The following PTPRD variants were observed in gnomAD, a reference collection of about 807,000 sequenced individuals.
PTPRD encodes receptor-type tyrosine-protein phosphatase delta.
PTPRD carries 34 observed loss-of-function variants against 214.5 expected under a neutral mutation model. The ratio of observed to expected loss-of-function variants is 0.16; its 90% CI spans 0.12 to 0.21. The LOEUF is 0.21. Among genes scored for constraint, PTPRD ranks in the 10% least tolerant of loss-of-function variants. The pLI is 1.00. For missense variants in PTPRD, 2,545 were observed against 2,398.7 expected, an observed-to-expected ratio of 1.06 and a Z score of -1.27; for synonymous variants, 1,128 against 845.7, an observed-to-expected ratio of 1.33 and a Z score of -5.79.
rs575071671 is a variant in PTPRD at position 10,018,997 on chromosome 9, A to G, written c.-472+14721T>C. On this transcript the variant is annotated intron_variant, in intron 4 of 45. Coordinates refer to ENST00000381196, the MANE Select transcript of PTPRD (RefSeq NM_002839.4). ...CCATCAGAGTGAACAGGCAACCTAC[A>G]GAATGGGAGAAAATTTTTGCAATCT... Among the ~76,000 whole-genome samples, 8 of 152,308 alleles carry G rather than the reference A, an allele frequency of 5.3e-5. No individual in the cohort carries two copies. The South Asian group carries it at 1.4e-3, about 28-fold the overall frequency.
At chr9:8,984,817 A>G (rs1468597968) in intron 11 of PTPRD, among the ~76,000 whole-genome samples, 2 of 152,088 alleles carry the variant, frequency 1.3e-5, no homozygotes, top group Non-Finnish European at 2.9e-5. Flanking sequence ...TATTTTACAA[A>G]GCTTGGATGT....
chr9:10,180,936 T>TA (rs2099278710), intron 3 of PTPRD, among the ~76,000 whole-genome samples: 1 of 151,924 alleles, frequency 6.6e-6, no homozygotes, highest in African/African-American at 2.4e-5. Flanking sequence ...AAAAATACCC[T>TA]AAAAATCCAA....
chr9:9,688,696 C>G (rs949153290), intron 7 of PTPRD, among the ~76,000 whole-genome samples: 2 of 151,862 alleles, frequency 1.3e-5, no homozygotes, highest in Non-Finnish European at 2.9e-5. Flanking sequence ...ACTCTAATCT[C>G]TTAATATTCT....
chr9:8,968,782 T>G (rs1589062420), intron 11 of PTPRD, among the ~76,000 whole-genome samples: 1 of 107,990 alleles, frequency 9.3e-6, no homozygotes, highest in Non-Finnish European at 2.1e-5. Flanking sequence ...ACAGTAAGTT[T>G]GTGTGACATA....
intron 8 of PTPRD, among the ~76,000 whole-genome samples, chr9:9,545,440 A>T (rs986368406): frequency 2.0e-5 from 3 of 151,888 alleles, no homozygotes; most frequent in African/African-American, 7.2e-5. Flanking sequence ...ACATAGTAAT[A>T]TGCATTTAAG....
At chr9:9,177,485 CATT>C (rs1332875405) in intron 10 of PTPRD, among the ~76,000 whole-genome samples, 3 of 152,086 alleles carry the variant, frequency 2.0e-5, no homozygotes, top group South Asian at 4.1e-4. Context: ...ACTTTATACT[CATT>C]AATATATTGC....
intron 4 of PTPRD, among the ~76,000 whole-genome samples, chr9:9,984,600 G>C (rs1297459597): frequency 6.6e-6 from 1 of 152,176 alleles, no homozygotes; most frequent in African/African-American, 2.4e-5. Context: ...TGGAATACAA[G>C]TGATGTCAGG....
intron 8 of PTPRD, among the ~76,000 whole-genome samples, chr9:9,400,090 TA>T (rs149234111): frequency 0.28 from 34,864 of 124,040 alleles, 5,100 homozygotes; most frequent in African/African-American, 0.48. Flanking sequence ...CTTTACCTAC[TA>T]GTTTTTTTTT....
chr9:10,580,920 C>G (rs1389519045), intron 2 of PTPRD, among the ~76,000 whole-genome samples: 1 of 152,118 alleles, frequency 6.6e-6, no homozygotes, highest in Non-Finnish European at 1.5e-5. Flanking sequence ...AAATAGTTCA[C>G]TGATTTCCTC....
chr9:8,853,946 G>C (rs1454150366), intron 11 of PTPRD, among the ~76,000 whole-genome samples: 1 of 151,934 alleles, frequency 6.6e-6, no homozygotes, highest in South Asian at 2.1e-4. Flanking sequence ...GACTAAATTT[G>C]GTTTAAATCA....
rs999793153 is a variant in PTPRD at position 8,560,273 on chromosome 9, C to T, written c.353-31494G>A. ...TATAAAAATGAGATGAATTTTTAAACTCCATGCAAATCTTTAAGAGATAAC... is the reference window on the plus strand; with the variant it reads ...TATAAAAATGAGATGAATTTTTAAATTCCATGCAAATCTTTAAGAGATAAC... On this transcript the variant is annotated intron_variant, in intron 14 of 45. Transcript: ENST00000381196. 7.2e-4 allele frequency among the ~76,000 whole-genome samples: 109 copies of T among 152,066 alleles called. 1 individual carries two copies. Among genetic ancestry groups the T allele is most frequent in the Admixed American group, 4.7e-3 (72 of 15,274 alleles).
intron 7 of PTPRD, among the ~76,000 whole-genome samples, chr9:9,704,500 A>G (rs1366805531): frequency 6.6e-6 from 1 of 152,120 alleles, no homozygotes; most frequent in East Asian, 1.9e-4. Flanking sequence ...TTCTTTGATA[A>G]CTCCCCAATT....
intron 37 of PTPRD, 123 bp from the exon 38 acceptor site, chr9:8,376,849 G>A (rs912582884): frequency 2.2e-6 from 3 of 1,337,718 alleles, no homozygotes; most frequent in Non-Finnish European, 3.1e-6. Flanking sequence ...TCTTTTTCTG[G>A]CATGCATTTT....
At chr9:9,809,528 T>G (rs1243139318) in intron 5 of PTPRD, among the ~76,000 whole-genome samples, 2 of 152,154 alleles carry the variant, frequency 1.3e-5, no homozygotes, top group Admixed American at 1.3e-4. Context: ...CCTCCCAAAG[T>G]GCTGGGATTA....
chr9:10,354,281 G>C (rs778967679), intron 2 of PTPRD, among the ~76,000 whole-genome samples: 164 of 152,140 alleles, frequency 1.1e-3, no homozygotes, highest in Non-Finnish European at 1.2e-3. Flanking sequence ...ATAAACATTT[G>C]TTGCTATACA....
chr9:9,783,010 C>T (rs2098869323), intron 5 of PTPRD, among the ~76,000 whole-genome samples: 2 of 152,168 alleles, frequency 1.3e-5, no homozygotes, highest in African/African-American at 4.8e-5. Flanking sequence ...GTAACCAAAT[C>T]ATCATGGAAT....
intron 2 of PTPRD, among the ~76,000 whole-genome samples, chr9:10,403,863 C>T (rs28666049): frequency 0.091 from 13,768 of 151,494 alleles, 1,267 homozygotes; most frequent in East Asian, 0.45. Context: ...GATGAATAGG[C>T]AGAACACAGA....
intron 3 of PTPRD, among the ~76,000 whole-genome samples, chr9:10,167,622 A>G (rs1357502370): frequency 6.6e-6 from 1 of 152,192 alleles, no homozygotes; most frequent in Non-Finnish European, 1.5e-5. Context: ...GAGTTTTAAA[A>G]TAGGATGATT....
At chr9:9,853,873 A>G (rs980488746) in intron 5 of PTPRD, among the ~76,000 whole-genome samples, 4 of 152,190 alleles carry the variant, frequency 2.6e-5, no homozygotes, top group South Asian at 2.1e-4. Context: ...TTTAAAATGA[A>G]TAACACATAA....
Sources: gnomAD v4.1 joint callset for allele counts (sites outside exome capture counted in the v4.1 genomes callset) on GRCh38, gnomAD v4.1.1 for gene constraint, MANE v1.5 for transcripts, NCBI Gene and HGNC (gene_info 2026-07-23, HGNC 2026-07-21) for gene names.